The following ZNF423 variants were observed in gnomAD, a reference collection of about 807,000 sequenced individuals.
The protein encoded by ZNF423 is Ebf-associated zinc finger protein.
In ZNF423, 12 loss-of-function variants were observed where a neutral mutation model predicts 95.8. The observed-to-expected ratio is 0.13, with a 90% confidence interval of 0.08 to 0.20. The LOEUF (loss-of-function observed/expected upper bound fraction) is 0.20, where lower values mean the gene tolerates loss of function less well. Ranked by LOEUF, ZNF423 falls within the 10% of genes least tolerant of loss-of-function variation. The pLI is 1.00. For missense variants in ZNF423, 1,316 were observed against 1,737.1 expected (o/e 0.76, Z 4.31); for synonymous variants, 749 against 711.9 (o/e 1.05, Z -0.83).
chr16:49,800,942 G>C (rs1285852257), intron 1 of ZNF423, among the ~76,000 whole-genome samples: 1 of 152,220 alleles, frequency 6.6e-6, no homozygotes, highest in African/African-American at 2.4e-5. Flanking sequence ...GTCCAGCCCA[G>C]CCATGGGGTA....
chr16:49,740,428 G>A (rs1178039531), intron 2 of ZNF423, among the ~76,000 whole-genome samples: 1 of 152,234 alleles, frequency 6.6e-6, no homozygotes, highest in Non-Finnish European at 1.5e-5. Flanking sequence ...CACTCGGCTT[G>A]TGCATCCATT....
intron 7 of ZNF423, among the ~76,000 whole-genome samples, chr16:49,500,359 G>T (rs1361496866): frequency 2.0e-5 from 3 of 152,148 alleles, no homozygotes; most frequent in African/African-American, 7.2e-5. Flanking sequence ...CCCCCTCCTG[G>T]GTAGAAATGC....
chr16:49,718,230 G>A (rs1166023869), intron 3 of ZNF423, among the ~76,000 whole-genome samples: 4 of 152,106 alleles, frequency 2.6e-5, no homozygotes, highest in Non-Finnish European at 4.4e-5. Flanking sequence ...GACCAGCCTG[G>A]CCAACATGGT....
intron 1 of ZNF423, among the ~76,000 whole-genome samples, chr16:49,840,644 C>T (rs2035172958): frequency 6.6e-6 from 1 of 152,258 alleles, no homozygotes; most frequent in Non-Finnish European, 1.5e-5. Context: ...CATATGACCA[C>T]TCACACAGGC....
chr16:49,537,171 A>T (rs1194078147), intron 5 of ZNF423, among the ~76,000 whole-genome samples: 1 of 152,224 alleles, frequency 6.6e-6, no homozygotes, highest in African/African-American at 2.4e-5. Flanking sequence ...ACACAGGAAC[A>T]CTGCAGAGCC....
At chr16:49,664,423 C>T (rs1044292854) in intron 3 of ZNF423, 8 of 443,264 alleles carry the variant, frequency 1.8e-5, no homozygotes, top group Non-Finnish European at 2.4e-5. Context: ...GCTCAGGCCA[C>T]GCGGCCAGAT....
intron 1 of ZNF423, among the ~76,000 whole-genome samples, chr16:49,818,713 T>A (rs972105441): frequency 1.3e-5 from 2 of 151,574 alleles, no homozygotes; most frequent in Admixed American, 1.3e-4. Context: ...TAGAGAGATC[T>A]CATCTCTTAA....
rs903500468 is a variant in ZNF423, at chr16:49,656,804, A to G, written c.302-17930T>C. Reference sequence around the variant, plus strand: ...TTTTATTTTTTGTCTCCAAGAAAAAAAATGAGTTGTCTCATTTTAATATTC... The same window carrying G: ...TTTTATTTTTTGTCTCCAAGAAAAAGAATGAGTTGTCTCATTTTAATATTC... On this transcript the variant is annotated intron_variant, in intron 3 of 7. Transcript: ENST00000563137. Among the ~76,000 whole-genome samples, 3 of 152,320 alleles carry G rather than the reference A, an allele frequency of 2.0e-5. No individual in the cohort carries two copies. The East Asian group carries it at 5.8e-4, about 29-fold the overall frequency.
intron 5 of ZNF423, among the ~76,000 whole-genome samples, chr16:49,537,436 T>C (rs1969090710): frequency 6.6e-6 from 1 of 152,226 alleles, no homozygotes; most frequent in Non-Finnish European, 1.5e-5. Context: ...AGCCGGGTTT[T>C]TGCTGTGACC....
intron 1 of ZNF423, among the ~76,000 whole-genome samples, chr16:49,824,259 C>T (rs1018424203): frequency 2.0e-5 from 3 of 152,158 alleles, no homozygotes; most frequent in African/African-American, 7.2e-5. Flanking sequence ...GCACACGCTT[C>T]CTCAGAGTCC....
intron 3 of ZNF423, among the ~76,000 whole-genome samples, chr16:49,699,175 G>T (rs2032083258): frequency 6.6e-6 from 1 of 152,222 alleles, no homozygotes; most frequent in Non-Finnish European, 1.5e-5. Context: ...GCACCCAGGG[G>T]AGCTGGGCGA....
chr16:49,814,955 A>G (rs926186615), intron 1 of ZNF423, among the ~76,000 whole-genome samples: 1 of 152,072 alleles, frequency 6.6e-6, no homozygotes, highest in Non-Finnish European at 1.5e-5. Flanking sequence ...TGCAGCGGGC[A>G]TCTCTCCTGA....
chr16:49,652,673 G>A (rs35857828), intron 3 of ZNF423, among the ~76,000 whole-genome samples: 26,675 of 152,272 alleles, frequency 0.18, 2,544 homozygotes, highest in South Asian at 0.28. Context: ...CTCCACTCGA[G>A]TGAAAGCAAA....
At chr16:49,712,825 A>T (rs1555476149) in intron 3 of ZNF423, among the ~76,000 whole-genome samples, 1 of 152,264 alleles carries the variant, frequency 6.6e-6, no homozygotes, top group Non-Finnish European at 1.5e-5. Context: ...CCGCGGATGC[A>T]TCCTTGACCT....
At chr16:49,591,770 C>T (rs1215195787) in intron 5 of ZNF423, among the ~76,000 whole-genome samples, 1 of 152,174 alleles carries the variant, frequency 6.6e-6, no homozygotes, top group Non-Finnish European at 1.5e-5. Context: ...ACAGTACAGA[C>T]ATTAAAACTC....
intron 1 of ZNF423, chr16:49,854,751 G>A: frequency 2.0e-6 from 2 of 985,396 alleles, no homozygotes; most frequent in South Asian, 4.7e-5. Flanking sequence ...TTTCCCCGGG[G>A]CCTCTACTCT....
At chr16:49,729,831 A>C (rs2033118562) in intron 3 of ZNF423, among the ~76,000 whole-genome samples, 1 of 152,098 alleles carries the variant, frequency 6.6e-6, no homozygotes, top group Non-Finnish European at 1.5e-5. Flanking sequence ...GGAGTAGAAA[A>C]AGCAAGAGCT....
intron 2 of ZNF423, among the ~76,000 whole-genome samples, chr16:49,749,483 G>T (rs1423592472): frequency 6.6e-6 from 1 of 152,244 alleles, no homozygotes; most frequent in Non-Finnish European, 1.5e-5. Flanking sequence ...ATACAGAAAA[G>T]TATAAAGAAA....
intron 3 of ZNF423, among the ~76,000 whole-genome samples, chr16:49,649,897 T>G (rs1461670959): frequency 1.3e-5 from 2 of 152,256 alleles, no homozygotes; most frequent in African/African-American, 4.8e-5. Context: ...AATCTCGAGT[T>G]AGAATTATGC....
Sources: allele counts gnomAD v4.1 joint callset (sites outside exome capture counted in the v4.1 genomes callset), GRCh38; gene constraint gnomAD v4.1.1; transcripts MANE v1.5; gene names NCBI Gene and HGNC (gene_info 2026-07-23, HGNC 2026-07-21).